ALOX5: variants seen among roughly 807,000 people sequenced by gnomAD.
The protein encoded by ALOX5 is polyunsaturated fatty acid 5-lipoxygenase.
A neutral mutation model predicts 87.9 loss-of-function variants in ALOX5; 64 were observed. The ratio of observed to expected loss-of-function variants is 0.73; its 90% CI spans 0.60 to 0.90. The LOEUF (loss-of-function observed/expected upper bound fraction) is 0.90. ALOX5 is among the 40% of genes least tolerant of loss of function. ALOX5 has a pLI of 0.00. For synonymous variants in ALOX5, 388 were observed against 355.1 expected (o/e 1.09, Z -1.04); for missense variants, 822 against 907.5 (o/e 0.91, Z 1.21).
intron 3 of ALOX5, among the ~76,000 whole-genome samples, chr10:45,405,131 G>A (rs750233138): frequency 6.6e-6 from 1 of 152,222 alleles, no homozygotes; most frequent in Non-Finnish European, 1.5e-5. Context: ...AATGCTGCCA[G>A]AACCAACCTT....
At chr10:45,418,168 G>C (rs1240545457) in intron 4 of ALOX5, among the ~76,000 whole-genome samples, 1 of 152,160 alleles carries the variant, frequency 6.6e-6, no homozygotes, top group Admixed American at 6.5e-5. Flanking sequence ...TGAGTTCTGC[G>C]GGGGAGAGAA....
At chr10:45,444,025 A>C (rs1842345816) in intron 12 of ALOX5, 91 bp from the exon 13 acceptor site, 1 of 1,456,398 alleles carries the variant, frequency 6.9e-7, no homozygotes, top group Non-Finnish European at 9.1e-7. Context: ...GGCCCGCTGG[A>C]GTTGGGGGGC....
intron 2 of ALOX5, among the ~76,000 whole-genome samples, chr10:45,393,334 C>G (rs924864616): frequency 6.6e-6 from 1 of 152,150 alleles, no homozygotes; most frequent in African/African-American, 2.4e-5. Context: ...AGCATATAAA[C>G]AGAACCAAAG....
chr10:45,417,680 C>T (rs943830316), intron 4 of ALOX5, among the ~76,000 whole-genome samples: 2 of 152,188 alleles, frequency 1.3e-5, no homozygotes, highest in African/African-American at 4.8e-5. Context: ...AGGTGAGAGC[C>T]CAGATGTCTC....
rs1319205864 is a variant in ALOX5, at chr10:45,409,531, CTCTG to C, written c.432-2656_432-2653del. ...TCTGTCTCTCTCTCTCTCTCTCTCT[CTCTG>C]TCTCTCTGTCTCTCTTGCTTTCTCT... is the stretch of plus-strand genomic sequence containing the variant. On this transcript the variant is annotated intron_variant, in intron 3 of 13. Coordinates refer to ENST00000374391, the MANE Select transcript of ALOX5 (RefSeq NM_000698.5). Among the ~76,000 whole-genome samples, 655 of 149,224 alleles carry C rather than the reference CTCTG, an allele frequency of 4.4e-3. 11 individuals are homozygous for C. The highest frequency in any genetic ancestry group is 0.016 in the African/African-American group (631 of 39,750).
chr10:45,387,735 G>A (rs1203829844), intron 2 of ALOX5, among the ~76,000 whole-genome samples: 1 of 152,236 alleles, frequency 6.6e-6, no homozygotes. Flanking sequence ...TGGGCAAGAG[G>A]ATGAGGAACT....
chr10:45,381,855 G>C (rs1564409872), intron 1 of ALOX5, among the ~76,000 whole-genome samples: 1 of 152,222 alleles, frequency 6.6e-6, no homozygotes, highest in Non-Finnish European at 1.5e-5. Flanking sequence ...GAATGTCTTG[G>C]GTAAATGAAT....
chr10:45,436,014 A>G (rs1842051612), intron 7 of ALOX5, among the ~76,000 whole-genome samples: 1 of 152,086 alleles, frequency 6.6e-6, no homozygotes, highest in Admixed American at 6.6e-5. Flanking sequence ...CATTTCTCTG[A>G]TGATTAGTGA....
intron 12 of ALOX5, 87 bp from the exon 13 acceptor site, chr10:45,444,028 TG>T (rs1842346044): frequency 4.8e-6 from 7 of 1,458,754 alleles, no homozygotes; most frequent in Non-Finnish European, 6.4e-6. Context: ...CCGCTGGAGT[TG>T]GGGGGCACGG....
chr10:45,443,747 G>C lies in ALOX5; in HGVS notation c.1593G>C (p.Lys531Asn), dbSNP rs747589653. 20 of 1,612,228 alleles carry C rather than the reference G, an allele frequency of 1.2e-5. No individual in the cohort carries two copies. The highest frequency in any genetic ancestry group is 1.5e-5 in the Non-Finnish European group (18 of 1,179,416). ...CCCTAGGCTTCCCCAAGTCGGTCAAGAGCCGGGAGCAGCTGTCGGAGTACC... is the reference window on the plus strand; with the variant it reads ...CCCTAGGCTTCCCCAAGTCGGTCAACAGCCGGGAGCAGCTGTCGGAGTACC... ...RKSSGFPKSVKSREQLSEYLT... is the reference protein window; with the variant it reads ...RKSSGFPKSVNSREQLSEYLT... The change falls in exon 12 of 14, where the codon AAG becomes AAC. Residue 531 changes from lysine (K) to asparagine (N), a missense_variant. Lys to Asn is a moderately conservative substitution (Grantham distance 94). Transcript: ENST00000374391.
chr10:45,427,749 G>C (rs1159128020), intron 6 of ALOX5, among the ~76,000 whole-genome samples: 3 of 152,162 alleles, frequency 2.0e-5, no homozygotes, highest in Admixed American at 6.5e-5. Context: ...GGCCTACCCT[G>C]CACCTGGCGT....
At chr10:45,390,309 A>G (rs1455978000) in intron 2 of ALOX5, among the ~76,000 whole-genome samples, 1 of 152,234 alleles carries the variant, frequency 6.6e-6, no homozygotes, top group Non-Finnish European at 1.5e-5. Flanking sequence ...AAGGATATCC[A>G]GGAATTGAAC....
Position 45,445,907 on chromosome 10 carries a change from C to CTGTCCACACCCAGCTCAGCA in ALOX5, c.*222_*241dup. ...ACACAGAGCAGGACTGCACAGCGTCCTGTCCACACCCAGCTCAGCATTTCC... is the reference window on the plus strand; with the variant it reads ...ACACAGAGCAGGACTGCACAGCGTCCTGTCCACACCCAGCTCAGCATGTCCACACCCAGCTCAGCATTTCC... On this transcript the variant is annotated 3_prime_UTR_variant, in exon 14 of 14. Coordinates refer to ENST00000374391, the MANE Select transcript of ALOX5 (RefSeq NM_000698.5). The CTGTCCACACCCAGCTCAGCA allele has an allele frequency of 2.1e-6, 1 of 487,296 alleles. No individual in the cohort carries two copies. The allele number at this position is 487,296 out of a possible 1,614,324, so 30.2% of individuals were successfully genotyped here.
chr10:45,397,295 A>G (rs12244601), intron 3 of ALOX5, among the ~76,000 whole-genome samples: 3,424 of 152,298 alleles, frequency 0.022, 123 homozygotes, highest in African/African-American at 0.078. Flanking sequence ...CAGGAGAATC[A>G]CTTGAACCCA....
At chr10:45,386,550 CAG>C (rs1840014816) in intron 2 of ALOX5, among the ~76,000 whole-genome samples, 1 of 151,622 alleles carries the variant, frequency 6.6e-6, no homozygotes, top group Non-Finnish European at 1.5e-5. Context: ...AGCAACTTAA[CAG>C]AACAATTTTG....
At chr10:45,387,848 G>T (rs1407090279) in intron 2 of ALOX5, among the ~76,000 whole-genome samples, 2 of 152,246 alleles carry the variant, frequency 1.3e-5, no homozygotes, top group Non-Finnish European at 2.9e-5. Context: ...AATAGGAACA[G>T]CTCCAGTCTA....
chr10:45,442,842 G>A, intron 9 of ALOX5, 196 bp from the exon 10 acceptor site: 1 of 600,112 alleles, frequency 1.7e-6, no homozygotes, highest in Non-Finnish European at 2.9e-6. Context: ...TGGGCGGGAG[G>A]CTCCTCCCTA....
In ALOX5 at chr10:45,425,078, G is replaced by A. The variant is rs116961353; in HGVS notation, c.780G>A (p.Thr260=). The A allele has an allele frequency of 5.2e-4, 840 of 1,614,048 alleles. 5 individuals carry two copies. In the East Asian group the frequency reaches 0.015, roughly 29 times the overall value. Residue 260 remains threonine, a synonymous_variant, in exon 6 of 14, where the codon ACG becomes ACA. Coordinates refer to ENST00000374391, the MANE Select transcript of ALOX5 (RefSeq NM_000698.5). The surrounding 1 kb of genome is among the most constrained non-coding windows in gnomAD (Gnocchi z 4.4). The part of the protein sequence containing the change: ...TELPEKLPVT[T]EMVECSLERQ... ...TGCCCGAGAAGCTCCCGGTGACCAC[G>A]GAGATGGTAGAGTGCAGCCTGGAGC... is the stretch of plus-strand genomic sequence containing the variant.
At chr10:45,395,377 G>C (rs1026873830) in intron 2 of ALOX5, among the ~76,000 whole-genome samples, 1 of 152,060 alleles carries the variant, frequency 6.6e-6, no homozygotes, top group African/African-American at 2.4e-5. Context: ...AACACTACAT[G>C]TTCTCACTCA....
Sources: allele counts gnomAD v4.1 joint callset (sites outside exome capture counted in the v4.1 genomes callset), GRCh38; gene constraint gnomAD v4.1.1; non-coding constraint Gnocchi (gnomAD v3.1); transcripts MANE v1.5; gene names NCBI Gene and HGNC (gene_info 2026-07-23, HGNC 2026-07-21).